CHRM3: variants seen among roughly 807,000 people sequenced by gnomAD.
The protein encoded by CHRM3 is muscarinic acetylcholine receptor M3.
CHRM3 carries 11 observed loss-of-function variants against 41.8 expected under a neutral mutation model. That is an observed-to-expected ratio of 0.26 (90% CI 0.17 to 0.44). CHRM3 has a LOEUF of 0.44. Among genes scored for constraint, CHRM3 ranks in the 20% least tolerant of loss-of-function variants. The probability of loss-of-function intolerance (pLI) is 1.00; values close to 1 mark genes in which losing one functional copy is unlikely to be tolerated. For missense variants in CHRM3, 571 were observed against 745.4 expected (o/e 0.77, Z 2.72); for synonymous variants, 297 against 301.4 (o/e 0.99, Z 0.15).
intron 2 of CHRM3, among the ~76,000 whole-genome samples, chr1:239,543,751 G>A (rs568274377): frequency 1.4e-4 from 22 of 152,050 alleles, no homozygotes; most frequent in African/African-American, 4.6e-4. Context: ...CTCATGATCC[G>A]CCCACCTCGG....
chr1:239,542,525 G>A (rs67065820), intron 2 of CHRM3, among the ~76,000 whole-genome samples: 5,375 of 152,198 alleles, frequency 0.035, 113 homozygotes, highest in East Asian at 0.11. Flanking sequence ...CCTCCCATGC[G>A]ACAGGCAGTA....
chr1:239,730,396 C>T (rs992441113), intron 5 of CHRM3: 2 of 151,942 alleles, frequency 1.3e-5, no homozygotes, highest in Non-Finnish European at 2.9e-5. Flanking sequence ...CAATGCAGCT[C>T]CTACCTTTCA....
chr1:239,644,523 T>C (rs890870557), intron 4 of CHRM3, among the ~76,000 whole-genome samples: 13 of 152,326 alleles, frequency 8.5e-5, no homozygotes, highest in African/African-American at 2.9e-4. Context: ...AAGATCATTC[T>C]ATGCCTTAAA....
intron 3 of CHRM3, among the ~76,000 whole-genome samples, chr1:239,586,992 T>C (rs1222495558): frequency 6.6e-6 from 1 of 152,206 alleles, no homozygotes; most frequent in Non-Finnish European, 1.5e-5. Context: ...GGTTGAGAAA[T>C]CTGGGCTCCT....
rs1668556567 is a variant in CHRM3, at chr1:239,506,146, A to AT, written c.-422+13343dup. Among the ~76,000 whole-genome samples the AT allele has an allele frequency of 4.6e-5, 7 of 152,242 alleles. No homozygotes were observed. In the South Asian group the frequency reaches 1.5e-3, roughly 32 times the overall value. ...GGCAATGAGATAGAAAAAAAATCTC[A>AT]TTTTCTGAGGAGAAATTCAAGCCAG... On this transcript the variant is annotated intron_variant, in intron 2 of 6. Coordinates refer to ENST00000676153, the MANE Select transcript of CHRM3 (RefSeq NM_001375978.1).
intron 6 of CHRM3, among the ~76,000 whole-genome samples, chr1:239,873,871 T>TC (rs931312422): frequency 1.3e-5 from 2 of 152,116 alleles, no homozygotes; most frequent in South Asian, 2.1e-4. Context: ...CCAGCTGAAG[T>TC]CCCCCCTCTC....
intron 1 of CHRM3, among the ~76,000 whole-genome samples, chr1:239,442,452 T>C (rs1049590789): frequency 2.8e-5 from 4 of 144,180 alleles, no homozygotes; most frequent in Non-Finnish European, 4.6e-5. Context: ...GAGAAAACCC[T>C]TTTTTTTTTT....
At chr1:239,574,171 G>A (rs1247689506) in intron 3 of CHRM3, among the ~76,000 whole-genome samples, 2 of 152,090 alleles carry the variant, frequency 1.3e-5, no homozygotes, top group South Asian at 2.1e-4. Flanking sequence ...ATTCTCAGCT[G>A]AGCTGCCAAA....
Position 239,567,019 on chromosome 1 carries a change from G to C in CHRM3, c.-313+21270G>C, listed in dbSNP as rs899373379. Among the ~76,000 whole-genome samples the C allele has an allele frequency of 2.4e-4, 36 of 152,162 alleles. 1 individual carries two copies. The highest frequency in any genetic ancestry group is 1.5e-5 in the Non-Finnish European group (1 of 68,038). On this transcript the variant is annotated intron_variant, in intron 3 of 6. Transcript: ENST00000676153. Reference sequence around the variant, plus strand: ...AAACCATCATTGTGTTTGAAGGATTGAATGGAGCAATCATAGATTTTATAA... The same window carrying C: ...AAACCATCATTGTGTTTGAAGGATTCAATGGAGCAATCATAGATTTTATAA...
At chr1:239,668,389 C>T (rs910983993) in intron 4 of CHRM3, among the ~76,000 whole-genome samples, 5 of 151,930 alleles carry the variant, frequency 3.3e-5, no homozygotes, top group African/African-American at 7.2e-5. Flanking sequence ...GTGTCTGGCC[C>T]AAATACACTT....
intron 5 of CHRM3, among the ~76,000 whole-genome samples, chr1:239,758,010 C>T (rs1666384406): frequency 1.3e-5 from 2 of 152,154 alleles, no homozygotes; most frequent in Admixed American, 6.5e-5. Context: ...ATTCCCAGCA[C>T]TGCCAAAGAA....
intron 6 of CHRM3, among the ~76,000 whole-genome samples, chr1:239,834,310 CT>C (rs71168857): frequency 0.11 from 13,212 of 118,026 alleles, 388 homozygotes; most frequent in African/African-American, 0.26. Flanking sequence ...AACTTAATGC[CT>C]TTTTTTTTTT....
intron 5 of CHRM3, among the ~76,000 whole-genome samples, chr1:239,800,915 T>C (rs1572338627): frequency 6.8e-6 from 1 of 146,722 alleles, no homozygotes. Flanking sequence ...ATTTTTTTTT[T>C]CCAGTTGAGG....
chr1:239,558,480 C>T (rs1297428931), intron 3 of CHRM3, among the ~76,000 whole-genome samples: 1 of 152,178 alleles, frequency 6.6e-6, no homozygotes, highest in East Asian at 1.9e-4. Context: ...TCATATCCAG[C>T]GACACTCTTG....
chr1:239,745,783 C>T (rs774516129), intron 5 of CHRM3, among the ~76,000 whole-genome samples: 2 of 152,078 alleles, frequency 1.3e-5, no homozygotes, highest in Non-Finnish European at 1.5e-5. Flanking sequence ...ACATTAGACA[C>T]TTCTCAAAAG....
At chr1:239,494,615 C>T (rs1667764179) in intron 2 of CHRM3, among the ~76,000 whole-genome samples, 1 of 151,680 alleles carries the variant, frequency 6.6e-6, no homozygotes, top group Admixed American at 6.6e-5. Context: ...GAATATATGC[C>T]CTGGTGGTTT....
intron 1 of CHRM3, among the ~76,000 whole-genome samples, chr1:239,402,297 C>T (rs1310847392): frequency 6.6e-6 from 1 of 152,150 alleles, no homozygotes; most frequent in Non-Finnish European, 1.5e-5. Context: ...TCCCTCTTTA[C>T]GTGCAGCTTA....
intron 1 of CHRM3, among the ~76,000 whole-genome samples, chr1:239,420,366 G>A (rs1198890143): frequency 6.6e-6 from 1 of 152,144 alleles, no homozygotes; most frequent in African/African-American, 2.4e-5. Flanking sequence ...TAGACTTATC[G>A]CTGGAGTTCT....
At chr1:239,427,092 G>T (rs1662447919) in intron 1 of CHRM3, among the ~76,000 whole-genome samples, 1 of 152,212 alleles carries the variant, frequency 6.6e-6, no homozygotes, top group South Asian at 2.1e-4. Context: ...CAATACGTGT[G>T]TGAAAATTGG....
Sources: gnomAD v4.1 joint callset for allele counts (sites outside exome capture counted in the v4.1 genomes callset) on GRCh38, gnomAD v4.1.1 for gene constraint, MANE v1.5 for transcripts, NCBI Gene and HGNC (gene_info 2026-07-23, HGNC 2026-07-21) for gene names.